NAA15: variants seen among roughly 807,000 people sequenced by gnomAD.
NAA15 encodes the protein N-alpha-acetyltransferase 15, NatA auxiliary subunit.
In NAA15, 34 loss-of-function variants were observed where a neutral mutation model predicts 114.0. The ratio of observed to expected loss-of-function variants is 0.30; its 90% CI spans 0.23 to 0.40. NAA15 has a LOEUF of 0.40. NAA15 is among the 10% of genes least tolerant of loss of function. The pLI is 1.00. For missense variants in NAA15, 658 were observed against 1,004.5 expected (o/e 0.66, Z 4.66); for synonymous variants, 340 against 338.0 (o/e 1.01, Z -0.06).
intron 16 of NAA15, 106 bp downstream of exon 16, chr4:139,376,579 G>T: frequency 1.4e-6 from 1 of 710,354 alleles, no homozygotes. Context: ...TTTAGCAAAT[G>T]CCAACGCAGC....
chr4:139,384,899 T>C lies in NAA15; in HGVS notation c.2223T>C (p.Leu741=). The change falls in exon 18 of 20, where the codon CTT becomes CTC. Residue 741 remains leucine, a synonymous_variant. Transcript: ENST00000296543. Reference sequence around the variant, plus strand: ...TATTAAAACAAGAAATGAATCGTCTTTTTGGAGCAACGAATCCAAAGAATT... The same window carrying C: ...TATTAAAACAAGAAATGAATCGTCTCTTTGGAGCAACGAATCCAAAGAATT... ...RTVLKQEMNR[L]FGATNPKNFN... is the part of the protein sequence containing the mutation. The C allele has an allele frequency of 3.2e-6, 5 of 1,557,892 alleles. No individual in the cohort carries two copies. The South Asian group carries it at 6.2e-5, about 19-fold the overall frequency.
intron 1 of NAA15, among the ~76,000 whole-genome samples, chr4:139,330,933 C>G (rs1746979580): frequency 6.6e-6 from 1 of 152,130 alleles, no homozygotes; most frequent in Admixed American, 6.5e-5. Context: ...TTTTATTTTT[C>G]TGTTTCTACA....
chr4:139,324,621 A>G (rs372241344), intron 1 of NAA15, among the ~76,000 whole-genome samples: 3 of 152,220 alleles, frequency 2.0e-5, no homozygotes, highest in Non-Finnish European at 4.4e-5. Flanking sequence ...AAATAAAAGC[A>G]AAGTAAGTTC....
intron 1 of NAA15, among the ~76,000 whole-genome samples, chr4:139,308,119 A>G (rs1168814902): frequency 6.6e-5 from 10 of 151,610 alleles, no homozygotes; most frequent in Non-Finnish European, 1.3e-4. Context: ...CTGCCACCAC[A>G]CCCAGCTAAT....
rs765584196 is a variant in NAA15, at chr4:139,384,971, A to G, written c.2295A>G (p.Arg765=). Residue 765 remains arginine, a synonymous_variant, in exon 18 of 20, where the codon AGA becomes AGG. Transcript: ENST00000296543. ...LKRNSDSLPH[R]LSAAKMVYYL... ...GGAATTCTGATTCATTGCCACACAG[A>G]TTATCAGGTAATCACTTTATTTTAT... 6.5e-7 allele frequency: 1 copy of G among 1,535,080 alleles called. No homozygotes were observed. Among genetic ancestry groups the G allele is most frequent in the Non-Finnish European group, 8.7e-7 (1 of 1,143,908 alleles).
At position 139,390,061 on chromosome 4, in the gene NAA15, G is replaced by A. The variant is rs1474431147; in HGVS notation, c.*1977G>A. On this transcript the variant is annotated 3_prime_UTR_variant, in exon 20 of 20. Transcript: ENST00000296543. ...AATGAGGTGTTTGGAGGAGGTACCA[G>A]CCATATAATAGGGGGTGTATGTGTG... 2 of 152,636 alleles carry A rather than the reference G, an allele frequency of 1.3e-5. No homozygotes were observed. The highest frequency in any genetic ancestry group is 2.9e-5 in the Non-Finnish European group (2 of 68,036). 9.5% of individuals were successfully genotyped at this position (152,636 alleles called of 1,614,324 possible).
In NAA15 at chr4:139,301,812, C is replaced by T. The variant is rs1745765719; in HGVS notation, c.35C>T (p.Ala12Val). Reference sequence around the variant, plus strand: ...GTGAGCCTCCCGCCCAAGGAGAATGCGCTCTTCAAGCGGATCTTGGTAAGT... The same window carrying T: ...GTGAGCCTCCCGCCCAAGGAGAATGTGCTCTTCAAGCGGATCTTGGTAAGT... ...PAVSLPPKEN[A>V]LFKRILRCYE... The change falls in exon 1 of 20, where the codon GCG (alanine) becomes GTG (valine). Residue 12 changes from alanine (A) to valine (V), a missense_variant. Ala to Val is a moderately conservative substitution (Grantham distance 64). Transcript: ENST00000296543. The T allele has an allele frequency of 6.3e-7, 1 of 1,592,488 alleles. No homozygotes were observed. Among genetic ancestry groups the T allele is most frequent in the Non-Finnish European group, 8.6e-7 (1 of 1,169,298 alleles).
intron 1 of NAA15, among the ~76,000 whole-genome samples, chr4:139,323,531 TC>T (rs1746692364): frequency 6.6e-6 from 1 of 152,108 alleles, no homozygotes; most frequent in African/African-American, 2.4e-5. Context: ...TATATATAGT[TC>T]TCTGTAGCAC....
At chr4:139,351,918 G>A (rs558126595) in intron 9 of NAA15, among the ~76,000 whole-genome samples, 2 of 148,612 alleles carry the variant, frequency 1.3e-5, no homozygotes, top group Admixed American at 6.7e-5. Context: ...CTTGTTCATG[G>A]TCAGAAGCCA....
At chr4:139,332,350 C>T (rs1428490477) in intron 1 of NAA15, among the ~76,000 whole-genome samples, 3 of 151,730 alleles carry the variant, frequency 2.0e-5, no homozygotes, top group Non-Finnish European at 4.4e-5. Flanking sequence ...TGGCTGGTCT[C>T]GAACTTCTGA....
chr4:139,381,526 T>A (rs1748755112), intron 17 of NAA15, among the ~76,000 whole-genome samples: 1 of 152,078 alleles, frequency 6.6e-6, no homozygotes, highest in Non-Finnish European at 1.5e-5. Context: ...ATAATCTAAT[T>A]TGTTTATTAA....
At chr4:139,345,408 G>A (rs558366228) in intron 6 of NAA15, among the ~76,000 whole-genome samples, 1 of 152,284 alleles carries the variant, frequency 6.6e-6, no homozygotes, top group Non-Finnish European at 1.5e-5. Flanking sequence ...CAAGGCTTGG[G>A]CCTCAAGTTT....
rs552069671 is a variant in NAA15, at chr4:139,328,808, C to T, written c.55-5366C>T. On this transcript the variant is annotated intron_variant, in intron 1 of 19. Transcript: ENST00000296543. ...GTCTCAATCTCTTGATCTCGTGATC[C>T]GCTTGCCTCTGCCTCCCAGCGTGTT... 2.5e-3 allele frequency among the ~76,000 whole-genome samples: 376 copies of T among 151,170 alleles called. 3 individuals are homozygous for T. Among genetic ancestry groups the T allele is most frequent in the Non-Finnish European group, 4.1e-3 (277 of 67,826 alleles).
At chr4:139,372,365 G>T (rs1276548306) in intron 15 of NAA15, among the ~76,000 whole-genome samples, 1 of 152,198 alleles carries the variant, frequency 6.6e-6, no homozygotes, top group Non-Finnish European at 1.5e-5. Context: ...CTTCAAGCCA[G>T]ATAACAACCT....
chr4:139,360,219 A>G (rs756546481), intron 12 of NAA15, among the ~76,000 whole-genome samples: 2 of 152,044 alleles, frequency 1.3e-5, no homozygotes, highest in African/African-American at 4.8e-5. Context: ...CCTACCCTCA[A>G]TTATGTAGAC....
chr4:139,349,324 G>T, intron 6 of NAA15, 138 bp from the exon 7 acceptor site: 1 of 667,226 alleles, frequency 1.5e-6, no homozygotes, highest in Non-Finnish European at 2.4e-6. Context: ...TGATCTTAAG[G>T]GAACTGGAAC....
At chr4:139,328,879 T>C (rs1052777717) in intron 1 of NAA15, among the ~76,000 whole-genome samples, 7 of 151,348 alleles carry the variant, frequency 4.6e-5, no homozygotes, top group African/African-American at 9.7e-5. Context: ...TTTTTTTTTT[T>C]CCTCAGACAG....
In NAA15 at chr4:139,389,409, T is replaced by C. The variant is rs1371272183; in HGVS notation, c.*1325T>C. On this transcript the variant is annotated 3_prime_UTR_variant, in exon 20 of 20. Transcript: ENST00000296543. The stretch of plus-strand genomic sequence containing the variant: ...GGTGCAAGCCAGAGGCAATGTAATA[T>C]GCTGTAAGGCTAGTGCAGATGGGAG... 6.6e-6 allele frequency: 1 copy of C among 152,632 alleles called. No individual in the cohort carries two copies. The highest frequency in any genetic ancestry group is 2.4e-5 in the African/African-American group (1 of 41,448). 9.5% of individuals were successfully genotyped at this position (152,632 alleles called of 1,614,324 possible).
chr4:139,319,038 C>T (rs952891396), intron 1 of NAA15, among the ~76,000 whole-genome samples: 2 of 152,052 alleles, frequency 1.3e-5, no homozygotes, highest in African/African-American at 4.8e-5. Flanking sequence ...CCTGTCATCC[C>T]AGCACTTTGG....
Sources: allele counts gnomAD v4.1 joint callset (sites outside exome capture counted in the v4.1 genomes callset), GRCh38; gene constraint gnomAD v4.1.1; transcripts MANE v1.5; gene names NCBI Gene and HGNC (gene_info 2026-07-23, HGNC 2026-07-21).